BABAM2: variants seen among roughly 807,000 people sequenced by gnomAD.
The protein encoded by BABAM2 is BRISC and BRCA1 A complex member 2.
In BABAM2, 31 loss-of-function variants were observed where a neutral mutation model predicts 54.7. The observed-to-expected ratio is 0.57, with a 90% confidence interval of 0.43 to 0.77. The LOEUF (loss-of-function observed/expected upper bound fraction) is 0.77. Among genes scored for constraint, BABAM2 ranks in the 30% least tolerant of loss-of-function variants. The pLI, the probability that BABAM2 is intolerant of heterozygous loss-of-function variation, is 0.00. For missense variants in BABAM2, 364 were observed against 455.8 expected, an observed-to-expected ratio of 0.80 and a Z score of 1.83; for synonymous variants, 167 against 162.9, an observed-to-expected ratio of 1.03 and a Z score of -0.19.
intron 4 of BABAM2, among the ~76,000 whole-genome samples, chr2:28,011,913 G>A (rs1054019351): frequency 6.6e-6 from 1 of 152,178 alleles, no homozygotes; most frequent in East Asian, 1.9e-4. Context: ...GGGTCACTAA[G>A]CTTAAATGAT....
At chr2:27,982,856 C>T (rs1039522306) in intron 3 of BABAM2, among the ~76,000 whole-genome samples, 11 of 151,456 alleles carry the variant, frequency 7.3e-5, no homozygotes, top group Admixed American at 2.0e-4. Flanking sequence ...CACACACACA[C>T]ACACACACAC....
chr2:27,972,631 A>G (rs1324401995), intron 3 of BABAM2, among the ~76,000 whole-genome samples: 1 of 152,198 alleles, frequency 6.6e-6, no homozygotes, highest in Non-Finnish European at 1.5e-5. Context: ...ATCAGATGCT[A>G]AAGTTTATAT....
intron 4 of BABAM2, among the ~76,000 whole-genome samples, chr2:27,994,387 A>G (rs1672987625): frequency 6.6e-6 from 1 of 152,220 alleles, no homozygotes; most frequent in Non-Finnish European, 1.5e-5. Flanking sequence ...TGAATTTCCA[A>G]AAGGTAAACA....
chr2:28,126,378 G>T (rs1436319442), intron 6 of BABAM2, among the ~76,000 whole-genome samples: 1 of 146,120 alleles, frequency 6.8e-6, no homozygotes, highest in Non-Finnish European at 1.5e-5. Flanking sequence ...CCACCTATGA[G>T]TGAGAACATG....
chr2:27,942,177 G>T (rs1483806083), intron 3 of BABAM2, among the ~76,000 whole-genome samples: 1 of 152,174 alleles, frequency 6.6e-6, no homozygotes, highest in African/African-American at 2.4e-5. Context: ...ACACTGTGGG[G>T]CTTGGCATGG....
intron 2 of BABAM2, among the ~76,000 whole-genome samples, chr2:27,918,698 A>T (rs964138752): frequency 2.0e-5 from 3 of 152,058 alleles, no homozygotes; most frequent in Non-Finnish European, 4.4e-5. Flanking sequence ...ACAACTTTTC[A>T]TTATGAGTCT....
intron 7 of BABAM2, among the ~76,000 whole-genome samples, chr2:28,213,295 A>G (rs998697174): frequency 6.6e-6 from 1 of 152,172 alleles, no homozygotes; most frequent in African/African-American, 2.4e-5. Flanking sequence ...CTGGTAAGAA[A>G]CTGAACACTA....
At chr2:28,109,136 A>T (rs913113593) in intron 6 of BABAM2, among the ~76,000 whole-genome samples, 13 of 151,632 alleles carry the variant, frequency 8.6e-5, no homozygotes, top group African/African-American at 3.2e-4. Flanking sequence ...CCAAGGGCTT[A>T]CACAGGGACC....
chr2:28,008,536 T>C (rs904426042), intron 4 of BABAM2, among the ~76,000 whole-genome samples: 1 of 152,148 alleles, frequency 6.6e-6, no homozygotes, highest in Admixed American at 6.6e-5. Flanking sequence ...TTTGTGTGGG[T>C]CAAAGAAAGC....
chr2:27,994,576 C>T (rs560726304), intron 4 of BABAM2, among the ~76,000 whole-genome samples: 1 of 152,298 alleles, frequency 6.6e-6, no homozygotes, highest in South Asian at 2.1e-4. Flanking sequence ...AAACTATGTG[C>T]TTGTCTTCTT....
rs529275988 is a variant in BABAM2, at chr2:28,331,196, T to C, written c.1089-7254T>C. ...TCAAGATGGATTAAAGACTTAAATA[T>C]AAAACCAAAACTATAAAAACCCTAG... On this transcript the variant is annotated intron_variant, in intron 11 of 11. Transcript: ENST00000379624. Among the ~76,000 whole-genome samples the C allele has an allele frequency of 2.0e-5, 3 of 152,062 alleles. No individual in the cohort carries two copies. The South Asian group carries it at 6.2e-4, about 32-fold the overall frequency.
chr2:28,195,045 C>G (rs1399109490), intron 7 of BABAM2, among the ~76,000 whole-genome samples: 2 of 152,186 alleles, frequency 1.3e-5, no homozygotes, highest in African/African-American at 4.8e-5. Context: ...AAATTGTGCT[C>G]TAGCAAGAAG....
intron 7 of BABAM2, among the ~76,000 whole-genome samples, chr2:28,169,680 G>A (rs1170372466): frequency 6.6e-6 from 1 of 151,800 alleles, no homozygotes; most frequent in African/African-American, 2.4e-5. Flanking sequence ...GGAGGCTGAG[G>A]CAGGAGGATC....
chr2:28,031,296 A>G (rs1173019900), intron 5 of BABAM2, among the ~76,000 whole-genome samples: 2 of 152,192 alleles, frequency 1.3e-5, no homozygotes, highest in African/African-American at 4.8e-5. Context: ...TGTTTCGTGG[A>G]ATGTCACAGG....
At chr2:27,923,978 T>A (rs558287764) in intron 2 of BABAM2, among the ~76,000 whole-genome samples, 175 of 151,324 alleles carry the variant, frequency 1.2e-3, no homozygotes, top group African/African-American at 3.4e-3. Flanking sequence ...TCAAAAAATT[T>A]AAAAAAAAAT....
At chr2:28,198,328 C>T (rs1677850556) in intron 7 of BABAM2, among the ~76,000 whole-genome samples, 2 of 152,012 alleles carry the variant, frequency 1.3e-5, no homozygotes, top group Non-Finnish European at 2.9e-5. Flanking sequence ...AAATGCCTGG[C>T]TAATTTTTTG....
chr2:28,121,722 TA>T (rs201678220), intron 6 of BABAM2, among the ~76,000 whole-genome samples: 2,002 of 152,272 alleles, frequency 0.013, 26 homozygotes, highest in South Asian at 0.049. Context: ...ACATACTATA[TA>T]TTTTATTTAT....
chr2:28,328,998 G>A (rs1177585713), intron 11 of BABAM2, among the ~76,000 whole-genome samples: 3 of 152,166 alleles, frequency 2.0e-5, no homozygotes, highest in Non-Finnish European at 4.4e-5. Flanking sequence ...ATAAAGCATT[G>A]TAATTCCAGT....
intron 7 of BABAM2, among the ~76,000 whole-genome samples, chr2:28,199,217 G>A (rs569386224): frequency 8.5e-5 from 13 of 152,350 alleles, no homozygotes; most frequent in East Asian, 1.9e-4. Context: ...GCAAGGTGGC[G>A]TGTGTGACAT....
Sources: allele counts gnomAD v4.1 joint callset (sites outside exome capture counted in the v4.1 genomes callset), GRCh38; gene constraint gnomAD v4.1.1; transcripts MANE v1.5; gene names NCBI Gene and HGNC (gene_info 2026-07-23, HGNC 2026-07-21).